CLDN10: variants seen among roughly 807,000 people sequenced by gnomAD.
CLDN10 encodes claudin 10, also known as claudin-10.
CLDN10 carries 15 observed loss-of-function variants against 22.9 expected under a neutral mutation model. The ratio of observed to expected loss-of-function variants is 0.65; its 90% CI spans 0.44 to 1.01. The LOEUF (loss-of-function observed/expected upper bound fraction) is 1.01, where lower values mean the gene tolerates loss of function less well. Ranked by LOEUF, CLDN10 falls within the 50% of genes least tolerant of loss-of-function variation. The pLI is 0.00. For missense variants in CLDN10, 247 were observed against 287.8 expected (o/e 0.86, Z 1.03); for synonymous variants, 114 against 111.4 (o/e 1.02, Z -0.15).
intron 1 of CLDN10, among the ~76,000 whole-genome samples, chr13:95,514,272 G>A (rs1381406671): frequency 1.3e-5 from 2 of 151,790 alleles, no homozygotes; most frequent in Non-Finnish European, 2.9e-5. Flanking sequence ...AAAGAAAAAA[G>A]GAAAGAGAAA....
At chr13:95,478,568 C>T (rs7987615) in intron 1 of CLDN10, among the ~76,000 whole-genome samples, 33,545 of 152,056 alleles carry the variant, frequency 0.22, 4,116 homozygotes, top group Non-Finnish European at 0.29. Flanking sequence ...TGCAGGTCTG[C>T]CCGGTGGGTG....
At chr13:95,484,688 CAA>C (rs144818972) in intron 1 of CLDN10, among the ~76,000 whole-genome samples, 8,289 of 124,338 alleles carry the variant, frequency 0.067, 310 homozygotes, top group Middle Eastern at 0.099. Flanking sequence ...ACTAAAAATA[CAA>C]AAAAAAAAAA....
At chr13:95,436,812 CAT>C (rs1476002157) in intron 1 of CLDN10, among the ~76,000 whole-genome samples, 15 of 152,212 alleles carry the variant, frequency 9.9e-5, no homozygotes, top group African/African-American at 3.4e-4. Flanking sequence ...TATTTGAAAA[CAT>C]AACAATGAGG....
chr13:95,483,747 G>A (rs1403590727), intron 1 of CLDN10, among the ~76,000 whole-genome samples: 1 of 152,198 alleles, frequency 6.6e-6, no homozygotes, highest in East Asian at 1.9e-4. Context: ...AGCTGGCCAA[G>A]CCCTTATGCT....
intron 1 of CLDN10, among the ~76,000 whole-genome samples, chr13:95,439,225 T>A (rs188769743): frequency 1.2e-4 from 18 of 152,232 alleles, no homozygotes; most frequent in African/African-American, 4.3e-4. Context: ...GGCTGTGAAG[T>A]CCTAAATCGA....
chr13:95,498,434 G>T (rs2138532352), intron 1 of CLDN10, among the ~76,000 whole-genome samples: 1 of 152,156 alleles, frequency 6.6e-6, no homozygotes, highest in South Asian at 2.1e-4. Flanking sequence ...TTGCTCTGTT[G>T]CCCAGGCTGG....
intron 1 of CLDN10, among the ~76,000 whole-genome samples, chr13:95,462,823 C>T (rs1023148772): frequency 3.3e-5 from 5 of 152,126 alleles, no homozygotes; most frequent in East Asian, 1.9e-4. Flanking sequence ...AAAATATAAA[C>T]GACTCAAAAG....
intron 3 of CLDN10, among the ~76,000 whole-genome samples, chr13:95,562,106 A>G (rs1038875061): frequency 6.9e-6 from 1 of 144,048 alleles, no homozygotes; most frequent in African/African-American, 2.6e-5. Flanking sequence ...ATTTTTTTGT[A>G]TTTTTAGTAG....
At chr13:95,506,027 A>T (rs531810753) in intron 1 of CLDN10, among the ~76,000 whole-genome samples, 1 of 152,312 alleles carries the variant, frequency 6.6e-6, no homozygotes, top group African/African-American at 2.4e-5. Context: ...GGCGTGAGCC[A>T]TTGCGCCTGG....
chr13:95,561,874 T>A (rs1594614529), intron 3 of CLDN10, among the ~76,000 whole-genome samples: 1 of 150,934 alleles, frequency 6.6e-6, no homozygotes, highest in Non-Finnish European at 1.5e-5. Context: ...CAAGTGATCC[T>A]CCCACCTCAG....
At chr13:95,459,711 G>A (rs1457484646) in intron 1 of CLDN10, among the ~76,000 whole-genome samples, 1 of 152,214 alleles carries the variant, frequency 6.6e-6, no homozygotes, top group Non-Finnish European at 1.5e-5. Context: ...CCTCTGACAT[G>A]CCCTGGAGAC....
At chr13:95,456,363 A>G (rs1414159193) in intron 1 of CLDN10, among the ~76,000 whole-genome samples, 3 of 151,544 alleles carry the variant, frequency 2.0e-5, no homozygotes, top group Admixed American at 6.6e-5. Context: ...TCCCATATCT[A>G]CTCTCCTATT....
intron 1 of CLDN10, among the ~76,000 whole-genome samples, chr13:95,475,051 CCT>C (rs2042672593): frequency 6.6e-6 from 1 of 152,148 alleles, no homozygotes; most frequent in South Asian, 2.1e-4. Context: ...TGAATTGGCT[CCT>C]CTCTGCTAAG....
chr13:95,545,132 C>A (rs2043495336), intron 1 of CLDN10, among the ~76,000 whole-genome samples: 1 of 152,110 alleles, frequency 6.6e-6, no homozygotes, highest in Admixed American at 6.6e-5. Flanking sequence ...TCTTCAGCAT[C>A]AAACTCAGAT....
intron 1 of CLDN10, among the ~76,000 whole-genome samples, chr13:95,540,559 G>A (rs2043449797): frequency 6.6e-6 from 1 of 152,154 alleles, no homozygotes; most frequent in African/African-American, 2.4e-5. Flanking sequence ...CTTTTTAGTT[G>A]TTAATATGCA....
chr13:95,509,580 A>C (rs1444438367), intron 1 of CLDN10, among the ~76,000 whole-genome samples: 2 of 152,220 alleles, frequency 1.3e-5, no homozygotes, highest in Admixed American at 6.5e-5. Flanking sequence ...AAGCAACAAT[A>C]ATTTTAGCTT....
chr13:95,566,257 TC>T (rs1416310996), intron 3 of CLDN10, among the ~76,000 whole-genome samples: 1 of 152,214 alleles, frequency 6.6e-6, no homozygotes, highest in Non-Finnish European at 1.5e-5. Context: ...GTAAAAGCAT[TC>T]CTATTTCTCC....
chr13:95,516,232 C>T lies in CLDN10; in HGVS notation c.215-43900C>T, dbSNP rs578227463. Among the ~76,000 whole-genome samples the T allele has an allele frequency of 1.4e-3, 208 of 152,192 alleles. 1 individual carries two copies. The highest frequency in any genetic ancestry group is 4.7e-3 in the African/African-American group (197 of 41,546). On this transcript the variant is annotated intron_variant, in intron 1 of 4. Transcript: ENST00000376873. ...GTAATAGAATATTTCTCATCTGTAT[C>T]GGTTGGCCAGTAGCCCAGAAGTTTG...
chr13:95,482,021 A>G (rs2042753220), intron 1 of CLDN10, among the ~76,000 whole-genome samples: 1 of 152,208 alleles, frequency 6.6e-6, no homozygotes, highest in African/African-American at 2.4e-5. Context: ...TCTGACTCAA[A>G]AAAGTAAAAA....
Sources: gnomAD v4.1 joint callset for allele counts (sites outside exome capture counted in the v4.1 genomes callset) on GRCh38, gnomAD v4.1.1 for gene constraint, MANE v1.5 for transcripts, NCBI Gene and HGNC (gene_info 2026-07-23, HGNC 2026-07-21) for gene names.